The following ANGPT1 variants were observed in gnomAD, a reference collection of about 807,000 sequenced individuals.
ANGPT1 encodes angiopoietin-1.
A neutral mutation model predicts 62.2 loss-of-function variants in ANGPT1; 17 were observed. The ratio of observed to expected loss-of-function variants is 0.27; its 90% CI spans 0.19 to 0.41. The LOEUF is 0.41. Ranked by LOEUF, ANGPT1 falls within the 10% of genes least tolerant of loss-of-function variation. ANGPT1 has a pLI of 1.00. For missense variants in ANGPT1, 478 were observed against 594.9 expected, an observed-to-expected ratio of 0.80 and a Z score of 2.04; for synonymous variants, 199 against 198.9, an observed-to-expected ratio of 1.00 and a Z score of 0.00.
intron 1 of ANGPT1, among the ~76,000 whole-genome samples, chr8:107,478,629 A>G (rs1812596627): frequency 6.6e-6 from 1 of 152,170 alleles, no homozygotes; most frequent in Non-Finnish European, 1.5e-5. Flanking sequence ...ATCTTCATAA[A>G]AGAGAAAATG....
intron 1 of ANGPT1, among the ~76,000 whole-genome samples, chr8:107,374,922 G>C (rs1022181344): frequency 6.6e-6 from 1 of 152,162 alleles, no homozygotes; most frequent in African/African-American, 2.4e-5. Context: ...AGCACTTTGG[G>C]AGGCCGAGGA....
intron 1 of ANGPT1, among the ~76,000 whole-genome samples, chr8:107,400,460 T>C (rs1285788060): frequency 2.6e-5 from 4 of 152,140 alleles, no homozygotes; most frequent in African/African-American, 9.7e-5. Context: ...TCACTGTCCA[T>C]TGGAAACAAT....
chr8:107,438,313 CTT>C (rs1368957053), intron 1 of ANGPT1, among the ~76,000 whole-genome samples: 1 of 151,840 alleles, frequency 6.6e-6, no homozygotes, highest in African/African-American at 2.4e-5. Context: ...TCTTCTTCTT[CTT>C]TGTCACCTCC....
chr8:107,387,831 A>C (rs567375532), intron 1 of ANGPT1, among the ~76,000 whole-genome samples: 1 of 151,986 alleles, frequency 6.6e-6, no homozygotes, highest in Non-Finnish European at 1.5e-5. Context: ...GGAACTATTG[A>C]TGCTGTTCTT....
At chr8:107,293,197 G>GTGATGATGATGA (rs5893837) in intron 6 of ANGPT1, among the ~76,000 whole-genome samples, 9 of 148,662 alleles carry the variant, frequency 6.1e-5, no homozygotes, top group Non-Finnish European at 1.0e-4. Flanking sequence ...GAGAAGAACT[G>GTGATGATGATGA]TGATGATGAT....
chr8:107,259,235 G>A (rs981708580), intron 8 of ANGPT1, among the ~76,000 whole-genome samples: 5 of 151,922 alleles, frequency 3.3e-5, no homozygotes, highest in Admixed American at 1.3e-4. Flanking sequence ...GTCTTTCTTG[G>A]GTTCCCAAAA....
intron 3 of ANGPT1, among the ~76,000 whole-genome samples, chr8:107,328,447 T>C (rs1430151874): frequency 1.3e-5 from 2 of 151,656 alleles, no homozygotes; most frequent in South Asian, 2.1e-4. Context: ...AAATGTATTA[T>C]AAAAACCAGC....
intron 1 of ANGPT1, among the ~76,000 whole-genome samples, chr8:107,401,285 T>C (rs1230664634): frequency 6.7e-6 from 1 of 150,060 alleles, no homozygotes; most frequent in Non-Finnish European, 1.5e-5. Context: ...AAAAAAAAAC[T>C]GTGGACTATT....
chr8:107,258,414 T>C (rs562012142), intron 8 of ANGPT1, among the ~76,000 whole-genome samples: 17 of 152,212 alleles, frequency 1.1e-4, no homozygotes, highest in Non-Finnish European at 1.9e-4. Flanking sequence ...TTTAGAATAA[T>C]ATAAACGTAT....
At chr8:107,322,853 T>TA (rs1409691623) in intron 3 of ANGPT1, 1 of 178,194 alleles carries the variant, frequency 5.6e-6, no homozygotes, top group East Asian at 1.7e-4. Context: ...AAAACTATAT[T>TA]GACACAGAAA....
chr8:107,452,518 T>C (rs568025184), intron 1 of ANGPT1, among the ~76,000 whole-genome samples: 1 of 151,942 alleles, frequency 6.6e-6, no homozygotes, highest in Admixed American at 6.6e-5. Context: ...TTTTTGAAGT[T>C]TGTAATAGAT....
intron 7 of ANGPT1, among the ~76,000 whole-genome samples, chr8:107,277,088 C>A (rs1235885097): frequency 1.3e-5 from 2 of 152,010 alleles, no homozygotes; most frequent in Non-Finnish European, 2.9e-5. Flanking sequence ...ATTATAATGA[C>A]AAGATGTGCA....
At position 107,250,658 on chromosome 8, in the gene ANGPT1, T is replaced by C. The variant is rs1173094747; in HGVS notation, c.*1197A>G. The C allele has an allele frequency of 6.6e-6, 1 of 152,120 alleles. No homozygotes were observed. Among genetic ancestry groups the C allele is most frequent in the East Asian group, 1.9e-4 (1 of 5,194 alleles). 9.4% of individuals were successfully genotyped at this position (152,120 alleles called of 1,614,324 possible). A position where few individuals can be genotyped will look rare whatever the true frequency, so the allele number is the denominator to read the frequency against. ...AATTAGCTATTAGGTTTTTTGCAGA[T>C]ATAAACATGCTATGTACAATGATAT... On this transcript the variant is annotated 3_prime_UTR_variant, in exon 9 of 9. Coordinates refer to ENST00000517746, the MANE Select transcript of ANGPT1 (RefSeq NM_001146.5).
At chr8:107,370,173 A>AGT (rs1563590458) in intron 1 of ANGPT1, among the ~76,000 whole-genome samples, 3 of 94,924 alleles carry the variant, frequency 3.2e-5, no homozygotes, top group Non-Finnish European at 7.0e-5. Context: ...AGAAAGAGAG[A>AGT]AAGAAGAAAG....
At chr8:107,340,702 C>T (rs1347150376) in intron 2 of ANGPT1, among the ~76,000 whole-genome samples, 4 of 151,478 alleles carry the variant, frequency 2.6e-5, no homozygotes, top group Non-Finnish European at 5.9e-5. Context: ...CCATGTTGCC[C>T]AGGCTGGTCT....
intron 5 of ANGPT1, among the ~76,000 whole-genome samples, chr8:107,299,910 G>GATATACTGTAT (rs1327777256): frequency 8.0e-6 from 1 of 124,724 alleles, no homozygotes; most frequent in Non-Finnish European, 1.7e-5. Flanking sequence ...GTTATATCTA[G>GATATACTGTAT]ATATACTATA....
At chr8:107,319,919 T>A (rs770638767) in intron 4 of ANGPT1, among the ~76,000 whole-genome samples, 8 of 152,116 alleles carry the variant, frequency 5.3e-5, no homozygotes, top group Admixed American at 1.3e-4. Flanking sequence ...GCAGAGAACC[T>A]ATTGGAAAAT....
intron 1 of ANGPT1, among the ~76,000 whole-genome samples, chr8:107,483,369 G>A (rs956564662): frequency 1.2e-4 from 18 of 152,096 alleles, no homozygotes; most frequent in African/African-American, 4.3e-4. Flanking sequence ...GTTGAAGGCT[G>A]AGTATGAGTT....
In ANGPT1 at chr8:107,447,525, C is replaced by A. The variant is rs549849466; in HGVS notation, c.297+49737G>T. Among the ~76,000 whole-genome samples, 4 of 152,334 alleles carry A rather than the reference C, an allele frequency of 2.6e-5. No homozygotes were observed. In the East Asian group the frequency reaches 5.8e-4, roughly 22 times the overall value. On this transcript the variant is annotated intron_variant, in intron 1 of 8. Transcript: ENST00000517746. ...CCTTAGAGTGTTTGCACAGGCTAAT[C>A]CCTCTGCCTTAGACCACTCCTCCTT...
Sources: gnomAD v4.1 joint callset for allele counts (sites outside exome capture counted in the v4.1 genomes callset) on GRCh38, gnomAD v4.1.1 for gene constraint, MANE v1.5 for transcripts, NCBI Gene and HGNC (gene_info 2026-07-23, HGNC 2026-07-21) for gene names.